CACNA2D3: variants seen among roughly 807,000 people sequenced by gnomAD.
CACNA2D3 encodes the protein voltage-dependent calcium channel subunit alpha-2/delta-3.
A neutral mutation model predicts 160.6 loss-of-function variants in CACNA2D3; 60 were observed. The observed-to-expected ratio is 0.37, with a 90% CI of 0.30 to 0.46. The LOEUF (loss-of-function observed/expected upper bound fraction) is 0.46, where lower values mean the gene tolerates loss of function less well. CACNA2D3 is among the 20% of genes least tolerant of loss of function. The pLI, the probability that CACNA2D3 is intolerant of heterozygous loss-of-function variation, is 1.00. For missense variants in CACNA2D3, 1,205 were observed against 1,365.0 expected (o/e 0.88, Z 1.85); for synonymous variants, 558 against 492.9 (o/e 1.13, Z -1.75).
chr3:55,031,972 G>T (rs918611013), intron 35 of CACNA2D3, among the ~76,000 whole-genome samples: 1 of 152,134 alleles, frequency 6.6e-6, no homozygotes, highest in Non-Finnish European at 1.5e-5. Context: ...GAAGTAGGTT[G>T]CCCCTGCAAT....
intron 2 of CACNA2D3, among the ~76,000 whole-genome samples, chr3:54,307,948 A>T (rs1307896893): frequency 6.6e-6 from 1 of 152,262 alleles, no homozygotes; most frequent in Non-Finnish European, 1.5e-5. Context: ...CAAAAGGTCT[A>T]AGAATTGTTT....
intron 35 of CACNA2D3, among the ~76,000 whole-genome samples, chr3:55,051,861 C>T (rs927711005): frequency 2.0e-5 from 3 of 152,228 alleles, no homozygotes; most frequent in Non-Finnish European, 4.4e-5. Context: ...GGGAGTGACC[C>T]GATTTTCCAG....
At chr3:54,388,122 T>C (rs573449456) in intron 4 of CACNA2D3, among the ~76,000 whole-genome samples, 1 of 152,292 alleles carries the variant, frequency 6.6e-6, no homozygotes, top group East Asian at 1.9e-4. Flanking sequence ...GGTGTTCAGA[T>C]AGACCAAAAG....
chr3:54,943,191 C>T (rs527772011), intron 27 of CACNA2D3, among the ~76,000 whole-genome samples: 101 of 137,754 alleles, frequency 7.3e-4, no homozygotes, highest in African/African-American at 2.3e-3. Context: ...AATAGCAACA[C>T]GCTATCTCTG....
chr3:54,739,596 T>G (rs764427170), intron 11 of CACNA2D3, among the ~76,000 whole-genome samples: 2 of 152,048 alleles, frequency 1.3e-5, no homozygotes, highest in Non-Finnish European at 2.9e-5. Flanking sequence ...AGAAAAGGAA[T>G]AGGATGATTT....
chr3:54,630,888 G>A (rs928583804), intron 10 of CACNA2D3, among the ~76,000 whole-genome samples: 7 of 152,044 alleles, frequency 4.6e-5, no homozygotes, highest in South Asian at 2.1e-4. Flanking sequence ...GCAAAAAGCC[G>A]AATAAATGTT....
intron 11 of CACNA2D3, among the ~76,000 whole-genome samples, chr3:54,644,875 C>T (rs888682199): frequency 1.3e-5 from 2 of 152,218 alleles, no homozygotes; most frequent in African/African-American, 4.8e-5. Flanking sequence ...GGTTTAGATA[C>T]TCTGCAGGCT....
In CACNA2D3 at chr3:54,952,940, T is replaced by C. The variant is rs546733408; in HGVS notation, c.2450-15510T>C. Among the ~76,000 whole-genome samples the C allele has an allele frequency of 8.1e-4, 123 of 152,316 alleles. 1 individual carries two copies. Among genetic ancestry groups the C allele is most frequent in the African/African-American group, 2.7e-3 (114 of 41,572 alleles). ...CAGCAACAAAGGAGGAAACTTTTCA[T>C]AGGGATTTGAAGCCTAATGTTCCTG... On this transcript the variant is annotated intron_variant, in intron 27 of 37. Transcript: ENST00000474759.
intron 4 of CACNA2D3, among the ~76,000 whole-genome samples, chr3:54,482,173 C>T (rs897785126): frequency 2.0e-5 from 3 of 152,180 alleles, no homozygotes; most frequent in African/African-American, 4.8e-5. Context: ...ATACTGCAGA[C>T]GCAGTTGTTA....
At chr3:54,847,547 T>A (rs146960922) in intron 17 of CACNA2D3, among the ~76,000 whole-genome samples, 1 of 152,344 alleles carries the variant, frequency 6.6e-6, no homozygotes, top group African/African-American at 2.4e-5. Context: ...GAGAGCTCCA[T>A]CATCATGCAA....
rs149653875 is a variant in CACNA2D3, at chr3:54,529,820, T to G, written c.544+26166T>G. ...TTGGGATGTTAAGTGATATAATTTT[T>G]TTATTGCTTTACTTTGGATATTTTA... is the stretch of plus-strand genomic sequence containing the variant. On this transcript the variant is annotated intron_variant, in intron 5 of 37. Transcript: ENST00000474759. 4.3e-3 allele frequency among the ~76,000 whole-genome samples: 649 copies of G among 152,320 alleles called. 7 individuals are homozygous for G. The highest frequency in any genetic ancestry group is 0.015 in the African/African-American group (612 of 41,578).
In CACNA2D3 at chr3:54,987,561, C is replaced by T. The variant is rs1282481396; in HGVS notation, c.2620-122C>T. The T allele has an allele frequency of 5.1e-6, 3 of 584,778 alleles. No individual in the cohort carries two copies. The African/African-American group carries it at 5.6e-5, about 11-fold the overall frequency. 36.2% of individuals were successfully genotyped at this position (584,778 alleles called of 1,614,324 possible). On this transcript the variant is annotated intron_variant, in intron 30 of 37. Transcript: ENST00000474759. ...TGACTGTTAAAACCTTTTCCACTTT[C>T]CTGAAAACCTGCCTTTTGCTCCTGT...
intron 8 of CACNA2D3, among the ~76,000 whole-genome samples, chr3:54,576,787 T>C (rs62255466): frequency 0.25 from 38,015 of 152,042 alleles, 5,153 homozygotes; most frequent in Middle Eastern, 0.37. Flanking sequence ...ATAATCCTAG[T>C]ACTTGGGAGG....
chr3:54,409,248 A>G (rs1319928472), intron 4 of CACNA2D3, among the ~76,000 whole-genome samples: 1 of 152,138 alleles, frequency 6.6e-6, no homozygotes, highest in Non-Finnish European at 1.5e-5. Flanking sequence ...CTTTTTCACT[A>G]TTGCTATATG....
intron 2 of CACNA2D3, among the ~76,000 whole-genome samples, chr3:54,179,467 A>G (rs1700740196): frequency 6.6e-6 from 1 of 152,176 alleles, no homozygotes; most frequent in Non-Finnish European, 1.5e-5. Context: ...TTATGTTCTA[A>G]GGCAGCTGTC....
intron 27 of CACNA2D3, among the ~76,000 whole-genome samples, chr3:54,965,727 G>T (rs1702132938): frequency 1.3e-5 from 2 of 152,140 alleles, no homozygotes; most frequent in African/African-American, 4.8e-5. Flanking sequence ...GGAAGCCAGG[G>T]GCCAGTGTTA....
At chr3:54,821,655 T>TTTCTTTCTTC (rs2106723539) in intron 14 of CACNA2D3, among the ~76,000 whole-genome samples, 1 of 77,428 alleles carries the variant, frequency 1.3e-5, no homozygotes, top group Non-Finnish European at 3.1e-5. Flanking sequence ...TTTCTTTCTT[T>TTTCTTTCTTC]CTTTCTTTCT....
intron 5 of CACNA2D3, among the ~76,000 whole-genome samples, chr3:54,551,999 G>A (rs1252675737): frequency 6.6e-6 from 1 of 152,192 alleles, no homozygotes; most frequent in Non-Finnish European, 1.5e-5. Flanking sequence ...CTTAACTACA[G>A]CCAATCAAAT....
chr3:54,901,560 C>T (rs1041388130), intron 27 of CACNA2D3, among the ~76,000 whole-genome samples: 3 of 152,114 alleles, frequency 2.0e-5, no homozygotes, highest in African/African-American at 4.8e-5. Flanking sequence ...AGGCAGGTCA[C>T]GAGACACAGT....
Sources: allele counts gnomAD v4.1 joint callset (sites outside exome capture counted in the v4.1 genomes callset), GRCh38; gene constraint gnomAD v4.1.1; transcripts MANE v1.5; gene names NCBI Gene and HGNC (gene_info 2026-07-23, HGNC 2026-07-21).